OSMR: variants seen among roughly 807,000 people sequenced by gnomAD.
OSMR encodes the protein oncostatin M receptor.
Under a neutral mutation model 99.9 loss-of-function variants are expected in OSMR, and 81 were observed. The ratio of observed to expected loss-of-function variants is 0.81; its 90% CI spans 0.68 to 0.97. The LOEUF is 0.97. OSMR is among the 50% of genes least tolerant of loss of function. The pLI, the probability that OSMR is intolerant of heterozygous loss-of-function variation, is 0.00. For missense variants in OSMR, 1,099 were observed against 1,153.4 expected (o/e 0.95, Z 0.68); for synonymous variants, 406 against 410.4 (o/e 0.99, Z 0.13).
At chr5:38,909,094 T>G (rs1207768529) in intron 9 of OSMR, among the ~76,000 whole-genome samples, 1 of 152,156 alleles carries the variant, frequency 6.6e-6, no homozygotes, top group Non-Finnish European at 1.5e-5. Flanking sequence ...CTGATAGAGC[T>G]GAATAATTCA....
chr5:38,867,896 T>C, intron 1 of OSMR, among the ~76,000 whole-genome samples: 2 of 131,814 alleles, frequency 1.5e-5, no homozygotes, highest in Non-Finnish European at 3.2e-5. Flanking sequence ...TTAATTTAAA[T>C]TTAGCTCTCT....
intron 7 of OSMR, among the ~76,000 whole-genome samples, chr5:38,899,004 A>G (rs1277420348): frequency 8.4e-6 from 1 of 118,844 alleles, no homozygotes; most frequent in African/African-American, 3.5e-5. Flanking sequence ...TCTGTTGCCC[A>G]GGCTGGAGTG....
chr5:38,910,908 G>T (rs922628381), intron 9 of OSMR, among the ~76,000 whole-genome samples: 1 of 152,172 alleles, frequency 6.6e-6, no homozygotes, highest in African/African-American at 2.4e-5. Flanking sequence ...CAGTCGGGAG[G>T]CTGAGGCAGG....
chr5:38,885,368 GGAC>G lies in OSMR; in HGVS notation c.724_726del (p.Asp242del). On this transcript the variant is annotated inframe_deletion, in exon 6 of 18. Coordinates refer to ENST00000274276, the MANE Select transcript of OSMR (RefSeq NM_003999.3). ...GGACAGAAGTACTTGAGGAGCCCAA[GGAC>G]TTTTCTTGTGAAACCGAGGACTTCA... 6.2e-7 allele frequency: 1 copy of G among 1,613,878 alleles called. No homozygotes were observed. Among genetic ancestry groups the G allele is most frequent in the Non-Finnish European group, 8.5e-7 (1 of 1,179,824 alleles).
At chr5:38,904,626 A>T (rs555188162) in intron 9 of OSMR, 123 bp downstream of exon 9, 5 of 1,186,326 alleles carry the variant, frequency 4.2e-6, no homozygotes, top group East Asian at 2.5e-5. Flanking sequence ...GCGGGGTAGC[A>T]TTTAAAAAAT....
chr5:38,894,396 GAAAAAGAAAA>G (rs1324594848), intron 7 of OSMR, among the ~76,000 whole-genome samples: 1 of 148,364 alleles, frequency 6.7e-6, no homozygotes, highest in Non-Finnish European at 1.5e-5. Flanking sequence ...ATTATTGAAT[GAAAAAGAAAA>G]AAAAAGAAAA....
chr5:38,903,914 G>A lies in OSMR; in HGVS notation c.1024G>A (p.Glu342Lys), dbSNP rs1443386428. ...YLMNPFSVNF[E>K]NVNATNAIMT... is the part of the protein sequence containing the mutation. ...AATGAATCCTTTTAGTGTCAACTTT[G>A]AAAATGTAAATGCCACAAATGCCAT... Residue 342 changes from glutamate (E) to lysine (K), a missense_variant, in exon 8 of 18, where the codon GAA (glutamate) becomes AAA (lysine). Physicochemically the swap from Glu to Lys is moderately conservative, Grantham distance 56. Coordinates refer to ENST00000274276, the MANE Select transcript of OSMR (RefSeq NM_003999.3). 1.2e-6 allele frequency: 2 copies of A among 1,612,960 alleles called. No homozygotes were observed. Among genetic ancestry groups the A allele is most frequent in the Non-Finnish European group, 1.7e-6 (2 of 1,179,758 alleles).
At chr5:38,932,709 G>A (rs1445915237) in intron 17 of OSMR, 163 bp from the exon 18 acceptor site, 3 of 985,168 alleles carry the variant, frequency 3.0e-6, no homozygotes, top group South Asian at 4.7e-5. Context: ...CTTCTGTCAG[G>A]GGAAATCTTT....
chr5:38,881,526 G>T (rs525735), intron 3 of OSMR, 67 bp from the exon 4 acceptor site: 371,019 of 1,612,720 alleles, frequency 0.23, 45,318 homozygotes, highest in East Asian at 0.38. Flanking sequence ...TTTGGGATAA[G>T]TCAAGTCAAG....
At chr5:38,939,530 A>C (rs1054973194), downstream of OSMR, 1 of 232,072 alleles carries the variant, frequency 4.3e-6, no homozygotes. Flanking sequence ...TTAATTATGA[A>C]TACTAAATTT....
chr5:38,878,985 C>T (rs571225991), intron 3 of OSMR, among the ~76,000 whole-genome samples: 11 of 152,150 alleles, frequency 7.2e-5, no homozygotes, highest in Admixed American at 5.9e-4. Context: ...GGAATGTCAG[C>T]GCTGAGCACA....
At position 38,846,082 on chromosome 5, in the gene OSMR, G is replaced by A. The variant is rs533781365; in HGVS notation, c.-319G>A. The A allele has an allele frequency of 4.6e-3, 701 of 152,404 alleles. 2 individuals are homozygous for A. Among genetic ancestry groups the A allele is most frequent in the African/African-American group, 0.016 (655 of 41,502 alleles). 9.4% of individuals were successfully genotyped at this position (152,404 alleles called of 1,614,324 possible). On this transcript the variant is annotated 5_prime_UTR_variant, in exon 1 of 18. Coordinates refer to ENST00000274276, the MANE Select transcript of OSMR (RefSeq NM_003999.3). ...CGGAGCCCGCACCCGCGCCCCACGC[G>A]CCGCCGAGGACTCGGCCCGGCTCGT...
intron 7 of OSMR, among the ~76,000 whole-genome samples, chr5:38,895,660 T>C (rs1011703832): frequency 6.6e-6 from 1 of 152,120 alleles, no homozygotes; most frequent in African/African-American, 2.4e-5. Context: ...AGATTCTATT[T>C]GTCCATTTTT....
At chr5:38,888,750 A>G (rs1367379182) in intron 7 of OSMR, among the ~76,000 whole-genome samples, 1 of 152,166 alleles carries the variant, frequency 6.6e-6, no homozygotes, top group Non-Finnish European at 1.5e-5. Flanking sequence ...TCGTAAGTCC[A>G]CAAGTATATA....
At chr5:38,882,947 A>C (rs1743409764) in intron 4 of OSMR, among the ~76,000 whole-genome samples, 1 of 152,220 alleles carries the variant, frequency 6.6e-6, no homozygotes. Flanking sequence ...CTGGCTCCAG[A>C]GGTCATGTGC....
At chr5:38,888,783 C>T (rs1487172587) in intron 7 of OSMR, among the ~76,000 whole-genome samples, 1 of 152,108 alleles carries the variant, frequency 6.6e-6, no homozygotes, top group African/African-American at 2.4e-5. Context: ...ACCATTAGAG[C>T]TTATGCAAAT....
chr5:38,885,265 C>A, intron 5 of OSMR, 84 bp from the exon 6 acceptor site: 1 of 1,596,076 alleles, frequency 6.3e-7, no homozygotes. Flanking sequence ...AACTCTGTGG[C>A]TTCAGACTCT....
At chr5:38,902,578 A>G (rs1337694820) in intron 7 of OSMR, among the ~76,000 whole-genome samples, 2 of 152,210 alleles carry the variant, frequency 1.3e-5, no homozygotes, top group African/African-American at 4.8e-5. Context: ...TCTCTTAACA[A>G]GAGTATTAGG....
chr5:38,862,920 G>A (rs554658667), intron 1 of OSMR, among the ~76,000 whole-genome samples: 3 of 152,008 alleles, frequency 2.0e-5, no homozygotes, highest in African/African-American at 4.8e-5. Flanking sequence ...CCAGCACCTC[G>A]GGAGGCCGAG....
Sources: gnomAD v4.1 joint callset for allele counts (sites outside exome capture counted in the v4.1 genomes callset) on GRCh38, gnomAD v4.1.1 for gene constraint, MANE v1.5 for transcripts, NCBI Gene and HGNC (gene_info 2026-07-23, HGNC 2026-07-21) for gene names.